ITGA4: variants seen among roughly 807,000 people sequenced by gnomAD.
ITGA4 encodes the protein integrin subunit alpha 4.
A neutral mutation model predicts 133.6 loss-of-function variants in ITGA4; 63 were observed. The observed-to-expected ratio is 0.47, with a 90% CI of 0.38 to 0.58. The LOEUF (loss-of-function observed/expected upper bound fraction) is 0.58. ITGA4 is among the 20% of genes least tolerant of loss of function. The pLI, the probability that ITGA4 is intolerant of heterozygous loss-of-function variation, is 0.00. For synonymous variants in ITGA4, 483 were observed against 438.0 expected (o/e 1.10, Z -1.28); for missense variants, 1,076 against 1,252.7 (o/e 0.86, Z 2.13).
chr2:181,469,151 G>A (rs552931265), intron 2 of ITGA4, among the ~76,000 whole-genome samples: 7 of 152,208 alleles, frequency 4.6e-5, no homozygotes, highest in East Asian at 1.9e-4. Context: ...TCTAATAATC[G>A]TCATTTTTGA....
In ITGA4 at chr2:181,524,462, TTAGAG is replaced by T. The variant is rs531560153; in HGVS notation, c.2249+217_2249+221del. On this transcript the variant is annotated intron_variant, in intron 20 of 27. Coordinates refer to ENST00000397033, the MANE Select transcript of ITGA4 (RefSeq NM_000885.6). ...TATGTTAAGTATTTATTAGATTAGA[TTAGAG>T]TAGACATGATGTGTCACGAATCAAA... The T allele has an allele frequency of 5.7e-4, 254 of 444,822 alleles. 1 individual carries two copies. Among genetic ancestry groups the T allele is most frequent in the Non-Finnish European group, 9.0e-4 (230 of 256,330 alleles). The allele number at this position is 444,822 out of a possible 1,614,324, so 27.6% of individuals were successfully genotyped here.
In ITGA4 at chr2:181,535,811, A is replaced by G. The variant is rs1687059667; in HGVS notation, c.*284A>G. The G allele has an allele frequency of 4.5e-6, 1 of 222,580 alleles. No individual in the cohort carries two copies. Among genetic ancestry groups the G allele is most frequent in the African/African-American group, 2.3e-5 (1 of 44,214 alleles). 13.8% of individuals were successfully genotyped at this position (222,580 alleles called of 1,614,324 possible). A position where few individuals can be genotyped will look rare whatever the true frequency, so the allele number is the denominator to read the frequency against. ...ATTCAAGAAAAGTAAGCCCTTGAAG[A>G]TATCTTGAAATGAAAGTATAACTGA... On this transcript the variant is annotated 3_prime_UTR_variant, in exon 28 of 28. Transcript: ENST00000397033.
At chr2:181,474,318 A>G (rs1415265936) in intron 2 of ITGA4, among the ~76,000 whole-genome samples, 2 of 152,190 alleles carry the variant, frequency 1.3e-5, no homozygotes, top group East Asian at 1.9e-4. Context: ...CAAAGTATCT[A>G]TTGAAGTTTT....
intron 15 of ITGA4, 58 bp downstream of exon 15, chr2:181,498,835 G>A: frequency 1.3e-6 from 2 of 1,508,556 alleles, no homozygotes; most frequent in Non-Finnish European, 1.8e-6. Context: ...TTGATAGAGA[G>A]CAACTTATTG....
intron 2 of ITGA4, among the ~76,000 whole-genome samples, chr2:181,465,314 C>G (rs1025138043): frequency 6.6e-6 from 1 of 152,140 alleles, no homozygotes; most frequent in Non-Finnish European, 1.5e-5. Context: ...TTCTGATCCT[C>G]TATTGGCCAG....
intron 10 of ITGA4, among the ~76,000 whole-genome samples, chr2:181,491,895 C>T (rs1686055858): frequency 6.6e-6 from 1 of 152,234 alleles, no homozygotes; most frequent in Non-Finnish European, 1.5e-5. Context: ...TGCTTCCCTG[C>T]CCTTGCACAG....
At chr2:181,460,566 A>AATATGTGTGTGT (rs79689303) in intron 2 of ITGA4, among the ~76,000 whole-genome samples, 36 of 148,070 alleles carry the variant, frequency 2.4e-4, no homozygotes, top group African/African-American at 7.9e-4. Flanking sequence ...TCTGTAGAAG[A>AATATGTGTGTGT]GTGTGTGTGT....
In ITGA4 at chr2:181,538,389, A is replaced by T. The variant is rs1487840418; in HGVS notation, c.*2862A>T. 1 of 613,008 alleles carries T rather than the reference A, an allele frequency of 1.6e-6. No homozygotes were observed. The highest frequency in any genetic ancestry group is 1.9e-5 in the African/African-American group (1 of 53,754). The allele number at this position is 613,008 out of a possible 1,614,324, so 38.0% of individuals were successfully genotyped here. The stretch of plus-strand genomic sequence containing the variant: ...AGAGCTGTAATCTAGAAAACTGAGA[A>T]GGTCTGATTGATAAATCATCAACAA... On this transcript the variant is annotated 3_prime_UTR_variant, in exon 28 of 28. Coordinates refer to ENST00000397033, the MANE Select transcript of ITGA4 (RefSeq NM_000885.6).
chr2:181,501,329 A>G (rs1370051092), intron 15 of ITGA4, among the ~76,000 whole-genome samples: 3 of 152,180 alleles, frequency 2.0e-5, no homozygotes, highest in Admixed American at 1.3e-4. Context: ...TTAAAGAACA[A>G]TGGGGAGGCA....
At chr2:181,502,192 C>G (rs1018225353) in intron 15 of ITGA4, among the ~76,000 whole-genome samples, 5 of 149,570 alleles carry the variant, frequency 3.3e-5, no homozygotes, top group Non-Finnish European at 3.0e-5. Flanking sequence ...AATGCAGAGG[C>G]TGTTGGTGGT....
At position 181,457,688 on chromosome 2, in the gene ITGA4, C is replaced by T. The variant is rs777350969; in HGVS notation, c.34C>T (p.Arg12Ter). ...GGAAGCGAGGCGCGAACCCGGCCCC[C>T]GAAGGGCCGCCGTCCGGGAGACGGT... Reference protein sequence around the residue: ...AWEARREPGPRRAAVRETVML... With the variant: ...AWEARREPGP Residue 12 changes from arginine to a stop codon, truncating the protein, a stop_gained, in exon 1 of 28, where the codon CGA (arginine) becomes TGA (stop). Transcript: ENST00000397033. LOFTEE classifies it high-confidence loss of function. 6.2e-7 allele frequency: 1 copy of T among 1,611,560 alleles called. No individual in the cohort carries two copies. Among genetic ancestry groups the T allele is most frequent in the Admixed American group, 1.7e-5 (1 of 59,884 alleles).
Position 181,495,977 on chromosome 2 carries a change from G to A in ITGA4, c.1540+40G>A, listed in dbSNP as rs758461483. ...CAATATTAATGCTTGATGGGGTGCGGTTCATTCATTAATCCCACAATCCTG... is the reference window on the plus strand; with the variant it reads ...CAATATTAATGCTTGATGGGGTGCGATTCATTCATTAATCCCACAATCCTG... On this transcript the variant is annotated intron_variant, in intron 14 of 27. Coordinates refer to ENST00000397033, the MANE Select transcript of ITGA4 (RefSeq NM_000885.6). The surrounding 1 kb of genome is among the most constrained non-coding windows in gnomAD (Gnocchi z 4.3). The A allele has an allele frequency of 6.3e-7, 1 of 1,592,142 alleles. No homozygotes were observed. The highest frequency in any genetic ancestry group is 1.1e-5 in the South Asian group (1 of 89,008).
intron 2 of ITGA4, among the ~76,000 whole-genome samples, chr2:181,472,035 T>C (rs1685566300): frequency 6.6e-6 from 1 of 152,188 alleles, no homozygotes. Flanking sequence ...GAGAAAGAAG[T>C]TTCAGGGAAG....
At chr2:181,478,075 C>T (rs1685717875) in intron 4 of ITGA4, among the ~76,000 whole-genome samples, 1 of 152,068 alleles carries the variant, frequency 6.6e-6, no homozygotes, top group African/African-American at 2.4e-5. Flanking sequence ...TTTGTGACAA[C>T]ATGGATGACC....
chr2:181,525,028 T>C (rs1446638469), intron 20 of ITGA4, among the ~76,000 whole-genome samples, 174 bp from the exon 21 acceptor site: 2 of 152,136 alleles, frequency 1.3e-5, no homozygotes, highest in Admixed American at 6.6e-5. Context: ...GAGAGAAATT[T>C]TCTGCCAACC....
chr2:181,465,933 T>G (rs989995642), intron 2 of ITGA4, among the ~76,000 whole-genome samples: 1 of 152,098 alleles, frequency 6.6e-6, no homozygotes, highest in African/African-American at 2.4e-5. Flanking sequence ...TTATGAAAAG[T>G]GAGTTAATAC....
At chr2:181,464,388 C>T (rs1685362862) in intron 2 of ITGA4, among the ~76,000 whole-genome samples, 1 of 152,106 alleles carries the variant, frequency 6.6e-6, no homozygotes, top group Non-Finnish European at 1.5e-5. Context: ...TTCATTAATA[C>T]ATTTTATTGA....
At chr2:181,490,045 C>T (rs1171580847) in intron 10 of ITGA4, among the ~76,000 whole-genome samples, 2 of 152,064 alleles carry the variant, frequency 1.3e-5, no homozygotes, top group Non-Finnish European at 2.9e-5. Context: ...GGGTACGTGA[C>T]TGGGGGCTGC....
At chr2:181,489,664 T>G (rs887595827) in intron 10 of ITGA4, among the ~76,000 whole-genome samples, 2 of 151,964 alleles carry the variant, frequency 1.3e-5, no homozygotes, top group African/African-American at 4.9e-5. Flanking sequence ...CACTTCTGTT[T>G]TATTTGTTTA....
Sources: allele counts gnomAD v4.1 joint callset (sites outside exome capture counted in the v4.1 genomes callset), GRCh38; gene constraint gnomAD v4.1.1; non-coding constraint Gnocchi (gnomAD v3.1); transcripts MANE v1.5; gene names NCBI Gene and HGNC (gene_info 2026-07-23, HGNC 2026-07-21).